Variants in FBN2 observed in about 807,000 individuals in gnomAD.
The protein encoded by FBN2 is fibrillin-2.
In FBN2, 105 loss-of-function variants were observed where a neutral mutation model predicts 355.6. The observed-to-expected ratio is 0.30, with a 90% CI of 0.25 to 0.35. The LOEUF (loss-of-function observed/expected upper bound fraction) is 0.35. FBN2 is among the 10% of genes least tolerant of loss of function. FBN2 has a pLI of 1.00. For synonymous variants in FBN2, 1,350 were observed against 1,301.2 expected, an observed-to-expected ratio of 1.04 and a Z score of -0.81; for missense variants, 3,280 against 3,758.7, an observed-to-expected ratio of 0.87 and a Z score of 3.33.
chr5:128,357,187 C>A, intron 20 of FBN2, 89 bp downstream of exon 20: 1 of 1,528,492 alleles, frequency 6.5e-7, no homozygotes, highest in Non-Finnish European at 9.1e-7. Context: ...TTTTTGGAAT[C>A]ATATTCTGTT....
At position 128,516,624 on chromosome 5, in the gene FBN2, G is replaced by A. The variant is rs1469285609; in HGVS notation, c.628+2649C>T. 3.9e-5 allele frequency among the ~76,000 whole-genome samples: 6 copies of A among 152,180 alleles called. No homozygotes were observed. In the East Asian group the frequency reaches 9.7e-4, roughly 25 times the overall value. Reference sequence around the variant, plus strand: ...AGGCCAATTTAAAGAGAAATTATGTGTTCTACATTAGGAGGAACAAATATC... The same window carrying A: ...AGGCCAATTTAAAGAGAAATTATGTATTCTACATTAGGAGGAACAAATATC... On this transcript the variant is annotated intron_variant, in intron 5 of 64. Coordinates refer to ENST00000262464, the MANE Select transcript of FBN2 (RefSeq NM_001999.4).
chr5:128,533,776 AT>A (rs1756771715), intron 2 of FBN2, among the ~76,000 whole-genome samples: 1 of 152,076 alleles, frequency 6.6e-6, no homozygotes, highest in Non-Finnish European at 1.5e-5. Flanking sequence ...CTCTTATTAT[AT>A]TGATCAAAAT....
chr5:128,287,688 T>G (rs911960430), intron 53 of FBN2, among the ~76,000 whole-genome samples: 11 of 152,112 alleles, frequency 7.2e-5, no homozygotes, highest in Non-Finnish European at 1.5e-5. Flanking sequence ...AGGGAGTAAT[T>G]TCACATTGAT....
intron 2 of FBN2, among the ~76,000 whole-genome samples, chr5:128,535,833 C>T (rs1342980124): frequency 7.7e-6 from 1 of 129,414 alleles, no homozygotes. Flanking sequence ...AAAAAAAAAA[C>T]TCAAGCCCCT....
At chr5:128,463,161 T>C (rs892719078) in intron 6 of FBN2, among the ~76,000 whole-genome samples, 1 of 152,058 alleles carries the variant, frequency 6.6e-6, no homozygotes, top group African/African-American at 2.4e-5. Flanking sequence ...CTATATAAAT[T>C]ACATGGTAAT....
At chr5:128,454,029 C>T (rs1448684903) in intron 6 of FBN2, among the ~76,000 whole-genome samples, 1 of 148,718 alleles carries the variant, frequency 6.7e-6, no homozygotes, top group Non-Finnish European at 1.5e-5. Flanking sequence ...CCCTCTGTTA[C>T]TGTGAGGTTC....
chr5:128,318,889 C>T lies in FBN2; in HGVS notation c.4584G>A (p.Gly1528=), dbSNP rs1554121089. Reference sequence around the variant, plus strand: ...GGTAACTGACCATACCTGTACAGTTCCCTCCTGTTCTGTCCAATTCATAAC... The same window carrying T: ...GGTAACTGACCATACCTGTACAGTTTCCTCCTGTTCTGTCCAATTCATAAC... ...DDGYELDRTG[G]NCTDIDECAD... Residue 1528 remains glycine, a synonymous_variant, in exon 35 of 65, where the codon GGG becomes GGA. Transcript: ENST00000262464. 6.2e-7 allele frequency: 1 copy of T among 1,613,354 alleles called. No homozygotes were observed. The highest frequency in any genetic ancestry group is 8.5e-7 in the Non-Finnish European group (1 of 1,179,570).
At position 128,311,284 on chromosome 5, in the gene FBN2, A is replaced by G. The variant is rs1750049887; in HGVS notation, c.5074+16T>C. ...TTAAACAGCACTGAGCATTTTAGGC[A>G]TCAAATTCATCTCACCTTCACAGAT... On this transcript the variant is annotated intron_variant, in intron 39 of 64. Coordinates refer to ENST00000262464, the MANE Select transcript of FBN2 (RefSeq NM_001999.4). 1 of 1,613,948 alleles carries G rather than the reference A, an allele frequency of 6.2e-7. No individual in the cohort carries two copies. Among genetic ancestry groups the G allele is most frequent in the East Asian group, 2.2e-5 (1 of 44,856 alleles).
chr5:128,453,937 C>G (rs919375561), intron 6 of FBN2, among the ~76,000 whole-genome samples: 1 of 152,048 alleles, frequency 6.6e-6, no homozygotes, highest in African/African-American at 2.4e-5. Flanking sequence ...GTACCTCACT[C>G]AAGGAGTGTC....
chr5:128,403,705 T>C (rs1398202393), intron 8 of FBN2, among the ~76,000 whole-genome samples: 1 of 147,590 alleles, frequency 6.8e-6, no homozygotes, highest in Non-Finnish European at 1.5e-5. Context: ...TTTTAACTCC[T>C]TTTTTTTTTG....
chr5:128,373,163 T>G (rs1751989121), intron 15 of FBN2, among the ~76,000 whole-genome samples: 2 of 152,254 alleles, frequency 1.3e-5, no homozygotes, highest in Admixed American at 1.3e-4. Flanking sequence ...TATGTTTTAC[T>G]GAATTCCTAG....
chr5:128,521,076 T>C (rs752681869), intron 4 of FBN2, among the ~76,000 whole-genome samples: 27 of 152,288 alleles, frequency 1.8e-4, no homozygotes, highest in African/African-American at 6.3e-4. Flanking sequence ...CGTATGTTCA[T>C]TGCAGCACTA....
Position 128,364,740 on chromosome 5 carries a change from G to T in FBN2, c.2303-15C>A. On this transcript the variant is annotated splice_polypyrimidine_tract_variant and intron_variant, in intron 17 of 64. Coordinates refer to ENST00000262464, the MANE Select transcript of FBN2 (RefSeq NM_001999.4). ...TTCATTGATATCTGCATTAAATATT[G>T]AAAGTTTAGTGCTATCAACAAACAT... 6.2e-7 allele frequency: 1 copy of T among 1,605,758 alleles called. No homozygotes were observed. The highest frequency in any genetic ancestry group is 8.5e-7 in the Non-Finnish European group (1 of 1,172,874).
chr5:128,345,521 C>T lies in FBN2; in HGVS notation c.3053G>A (p.Gly1018Glu). 2 of 1,614,162 alleles carry T rather than the reference C, an allele frequency of 1.2e-6. No homozygotes were observed. Among genetic ancestry groups the T allele is most frequent in the Non-Finnish European group, 1.7e-6 (2 of 1,180,038 alleles). ...DEDECIHPVP[G>E]KFRMDACCCA... ...GCAGCAGGCATCCATGCGGAACTTT[C>T]CAGGAACGGGGTGGATGCATTCATC... The change falls in exon 24 of 65, where the codon GGA becomes GAA. Residue 1018 changes from glycine to glutamate, a missense_variant. Gly to Glu is a moderately conservative substitution (Grantham distance 98). This residue lies in a region of FBN2 where 2,284 missense variants were observed against 2,749.5 expected (regional missense o/e 0.83). Coordinates refer to ENST00000262464, the MANE Select transcript of FBN2 (RefSeq NM_001999.4).
intron 2 of FBN2, among the ~76,000 whole-genome samples, chr5:128,535,339 CAG>C (rs145098268): frequency 0.11 from 16,437 of 152,120 alleles, 1,093 homozygotes; most frequent in African/African-American, 0.19. Context: ...CCAATAAATA[CAG>C]AGTTAGAAAT....
At chr5:128,353,885 C>T (rs1417270943) in intron 20 of FBN2, among the ~76,000 whole-genome samples, 1 of 152,142 alleles carries the variant, frequency 6.6e-6, no homozygotes, top group Non-Finnish European at 1.5e-5. Flanking sequence ...ATTCTTTAGG[C>T]TGGTGCTGTA....
At chr5:128,394,008 A>T (rs2126980114) in intron 9 of FBN2, among the ~76,000 whole-genome samples, 1 of 152,310 alleles carries the variant, frequency 6.6e-6, no homozygotes, top group African/African-American at 2.4e-5. Flanking sequence ...TATTAATTAT[A>T]TACTACTAGT....
chr5:128,514,686 T>G (rs188765847), intron 5 of FBN2, among the ~76,000 whole-genome samples: 2 of 152,304 alleles, frequency 1.3e-5, no homozygotes, highest in Admixed American at 1.3e-4. Flanking sequence ...CTCTTACATC[T>G]TGCTTGTCCT....
chr5:128,358,164 G>A (rs1751551476), intron 19 of FBN2, among the ~76,000 whole-genome samples: 1 of 152,042 alleles, frequency 6.6e-6, no homozygotes, highest in South Asian at 2.1e-4. Context: ...AAAATGTCAA[G>A]CCTGTAATGT....
Sources: gnomAD v4.1 joint callset for allele counts (sites outside exome capture counted in the v4.1 genomes callset) on GRCh38, gnomAD v4.1.1 for gene constraint, gnomAD v4.1.1 regional missense constraint, MANE v1.5 for transcripts, NCBI Gene and HGNC (gene_info 2026-07-23, HGNC 2026-07-21) for gene names.